The following ADGRL3 variants were observed in gnomAD, a reference collection of about 807,000 sequenced individuals.
ADGRL3 encodes the protein calcium-independent alpha-latrotoxin receptor 3.
Under a neutral mutation model 153.5 loss-of-function variants are expected in ADGRL3, and 62 were observed. That is an observed-to-expected ratio of 0.40 (90% CI 0.33 to 0.50). The LOEUF (loss-of-function observed/expected upper bound fraction) is 0.50, where lower values mean the gene tolerates loss of function less well. Ranked by LOEUF, ADGRL3 falls within the 20% of genes least tolerant of loss-of-function variation. The pLI, the probability that ADGRL3 is intolerant of heterozygous loss-of-function variation, is 0.47. For synonymous variants in ADGRL3, 710 were observed against 672.5 expected (o/e 1.06, Z -0.86); for missense variants, 1,641 against 1,859.4 (o/e 0.88, Z 2.16).
chr4:61,409,830 A>C (rs2152251542), intron 2 of ADGRL3, among the ~76,000 whole-genome samples: 1 of 152,182 alleles, frequency 6.6e-6, no homozygotes, highest in Admixed American at 6.5e-5. Flanking sequence ...TCTTTAAATA[A>C]GTGTTATCTT....
At chr4:62,024,186 C>T (rs1314133883) in intron 21 of ADGRL3, among the ~76,000 whole-genome samples, 1 of 151,962 alleles carries the variant, frequency 6.6e-6, no homozygotes, top group Non-Finnish European at 1.5e-5. Context: ...ATTTATTGGT[C>T]TTAATTTATT....
chr4:62,051,168 G>A (rs530027385), intron 25 of ADGRL3, among the ~76,000 whole-genome samples: 3,132 of 139,126 alleles, frequency 0.023, 138 homozygotes, highest in African/African-American at 0.079. Context: ...GTGTGTGTGT[G>A]TATATATATA....
At chr4:61,983,291 C>A in intron 18 of ADGRL3, 92 bp from the exon 19 acceptor site, 1 of 876,694 alleles carries the variant, frequency 1.1e-6, no homozygotes, top group Non-Finnish European at 1.8e-6. Flanking sequence ...TATTGTAATG[C>A]AGTTTTGGTA....
chr4:61,349,273 G>A (rs1266807356), intron 1 of ADGRL3, among the ~76,000 whole-genome samples: 4 of 151,952 alleles, frequency 2.6e-5, no homozygotes, highest in Non-Finnish European at 4.4e-5. Flanking sequence ...TCAATATGTG[G>A]ATTTATTTCC....
chr4:61,525,554 T>A (rs942577646), intron 4 of ADGRL3, among the ~76,000 whole-genome samples: 2 of 152,096 alleles, frequency 1.3e-5, no homozygotes, highest in Admixed American at 6.6e-5. Context: ...TAGAACCTGC[T>A]ACAATTGTGT....
chr4:61,236,510 A>T, intron 1 of ADGRL3, among the ~76,000 whole-genome samples: 1 of 152,278 alleles, frequency 6.6e-6, no homozygotes, highest in South Asian at 2.1e-4. Flanking sequence ...TTTACTACAT[A>T]TGAATATTAT....
intron 17 of ADGRL3, among the ~76,000 whole-genome samples, chr4:61,974,812 G>A (rs1441190171): frequency 2.0e-5 from 3 of 152,036 alleles, no homozygotes; most frequent in African/African-American, 7.2e-5. Flanking sequence ...ACATCTTAAG[G>A]TATTATGATG....
intron 3 of ADGRL3, among the ~76,000 whole-genome samples, chr4:61,510,902 A>G (rs1177124900): frequency 6.6e-6 from 1 of 152,066 alleles, no homozygotes; most frequent in East Asian, 1.9e-4. Flanking sequence ...CGTGTATGGA[A>G]TGTTTTTCCA....
At chr4:61,756,911 C>A (rs192263396) in intron 8 of ADGRL3, among the ~76,000 whole-genome samples, 1 of 152,222 alleles carries the variant, frequency 6.6e-6, no homozygotes, top group Admixed American at 6.5e-5. Context: ...TGTTTATATG[C>A]TGGATTACGT....
chr4:61,855,003 A>C lies in ADGRL3; in HGVS notation c.1481-37653A>C, dbSNP rs566714597. Among the ~76,000 whole-genome samples the C allele has an allele frequency of 2.0e-5, 3 of 152,334 alleles. No individual in the cohort carries two copies. The South Asian group carries it at 6.2e-4, about 32-fold the overall frequency. ...TTTAAACACACCCTAAGTGTAAGAA[A>C]GTATCACAGACCAGAGGAAGCTAAG... is the stretch of plus-strand genomic sequence containing the variant. On this transcript the variant is annotated intron_variant, in intron 9 of 26. Transcript: ENST00000683033.
intron 6 of ADGRL3, among the ~76,000 whole-genome samples, chr4:61,717,251 C>A (rs1405244821): frequency 6.7e-6 from 1 of 149,060 alleles, no homozygotes; most frequent in Non-Finnish European, 1.5e-5. Context: ...ACAAACCATC[C>A]AAAATTCATG....
At chr4:61,621,080 A>T (rs918002254) in intron 5 of ADGRL3, among the ~76,000 whole-genome samples, 3 of 151,506 alleles carry the variant, frequency 2.0e-5, no homozygotes, top group African/African-American at 7.3e-5. Context: ...TATTTTTAGG[A>T]CTCTTTAGAG....
At chr4:61,297,152 G>A (rs548448306) in intron 1 of ADGRL3, among the ~76,000 whole-genome samples, 5 of 152,198 alleles carry the variant, frequency 3.3e-5, no homozygotes, top group Admixed American at 6.5e-5. Context: ...GTTGTCTGTT[G>A]CACTTTTTGA....
chr4:61,561,320 G>A (rs2098794094), intron 4 of ADGRL3, among the ~76,000 whole-genome samples: 1 of 152,148 alleles, frequency 6.6e-6, no homozygotes, highest in Non-Finnish European at 1.5e-5. Context: ...AGAAAGTAAT[G>A]TATATGTTGG....
chr4:61,645,777 T>C (rs186204318), intron 5 of ADGRL3, among the ~76,000 whole-genome samples: 1 of 151,984 alleles, frequency 6.6e-6, no homozygotes, highest in Non-Finnish European at 1.5e-5. Context: ...GAGTTGCTCT[T>C]CTTGAGGAAT....
At chr4:61,325,778 A>G (rs1303394409) in intron 1 of ADGRL3, among the ~76,000 whole-genome samples, 1 of 152,212 alleles carries the variant, frequency 6.6e-6, no homozygotes, top group Non-Finnish European at 1.5e-5. Flanking sequence ...TTAATAAAGT[A>G]ATCAAATTAT....
In ADGRL3 at chr4:62,074,621, CAG is replaced by C. The variant is rs1342939996; in HGVS notation, c.*3715_*3716del. On this transcript the variant is annotated 3_prime_UTR_variant, in exon 27 of 27. Coordinates refer to ENST00000683033, the MANE Select transcript of ADGRL3 (RefSeq NM_001387552.1). ...AATTGTAATAACAAAAATGAACTGA[CAG>C]AACAATTATCTTGAAGTAACAATAA... The C allele has an allele frequency of 6.6e-6, 1 of 151,986 alleles. No homozygotes were observed. Among genetic ancestry groups the C allele is most frequent in the East Asian group, 1.9e-4 (1 of 5,180 alleles). The allele number at this position is 151,986 out of a possible 1,614,324, so 9.4% of individuals were successfully genotyped here.
At chr4:61,205,247 T>C (rs149485335) in intron 1 of ADGRL3, among the ~76,000 whole-genome samples, 4 of 152,326 alleles carry the variant, frequency 2.6e-5, no homozygotes, top group Admixed American at 6.5e-5. Flanking sequence ...AAACTCTCTT[T>C]GAAAAGGACT....
At position 61,912,443 on chromosome 4, in the gene ADGRL3, T is replaced by C. The variant is rs917563501; in HGVS notation, c.2074-276T>C. ...AATGAAGTATATTGATTTTTACTAA[T>C]TTCTACGAAATGTATTCAAAGATTT... On this transcript the variant is annotated intron_variant, in intron 12 of 26. Transcript: ENST00000683033. Among the ~76,000 whole-genome samples, 26 of 152,318 alleles carry C rather than the reference T, an allele frequency of 1.7e-4. No individual in the cohort carries two copies. In the South Asian group the frequency reaches 3.3e-3, roughly 19 times the overall value.
Sources: allele counts gnomAD v4.1 joint callset (sites outside exome capture counted in the v4.1 genomes callset), GRCh38; gene constraint gnomAD v4.1.1; transcripts MANE v1.5; gene names NCBI Gene and HGNC (gene_info 2026-07-23, HGNC 2026-07-21).